NRK: variants seen among roughly 807,000 people sequenced by gnomAD.
NRK encodes the protein nik-related protein kinase.
In NRK, 67 loss-of-function variants were observed where a neutral mutation model predicts 125.2. The observed-to-expected ratio is 0.54, with a 90% confidence interval of 0.44 to 0.66. The LOEUF (loss-of-function observed/expected upper bound fraction) is 0.66, where lower values mean the gene tolerates loss of function less well. Ranked by LOEUF, NRK falls within the 30% of genes least tolerant of loss-of-function variation. NRK has a pLI of 0.00. For missense variants in NRK, 1,224 were observed against 1,192.9 expected, an observed-to-expected ratio of 1.03 and a Z score of -0.38; for synonymous variants, 458 against 429.0, an observed-to-expected ratio of 1.07 and a Z score of -0.84.
intron 23 of NRK, among the ~76,000 whole-genome samples, chrX:105,940,961 A>G (rs1422526240): frequency 1.8e-5 from 2 of 111,850 alleles, no homozygotes; most frequent in African/African-American, 6.5e-5. Flanking sequence ...CACATACACC[A>G]CTAAAGAGGG....
chrX:105,898,571 T>C lies in NRK; in HGVS notation c.581-13T>C. Reference sequence around the variant, plus strand: ...CCTGATTGATTATTTTGACATATAATGATTTTTGGCAGTTGATTTTGGAGT... The same window carrying C: ...CCTGATTGATTATTTTGACATATAACGATTTTTGGCAGTTGATTTTGGAGT... On this transcript the variant is annotated splice_polypyrimidine_tract_variant and intron_variant, in intron 7 of 28. Transcript: ENST00000243300. The C allele has an allele frequency of 3.4e-6, 4 of 1,190,844 alleles. No homozygotes were observed. Among genetic ancestry groups the C allele is most frequent in the Non-Finnish European group, 4.5e-6 (4 of 883,182 alleles).
At chrX:105,937,654 T>C in intron 22 of NRK, 72 bp downstream of exon 22, 7 of 785,169 alleles carry the variant, frequency 8.9e-6, no homozygotes, top group Non-Finnish European at 1.3e-5. Context: ...TTAAAGACTT[T>C]CTCAGGTTAA....
chrX:105,921,854 C>G, intron 16 of NRK, 110 bp from the exon 17 acceptor site: 1 of 361,915 alleles, frequency 2.8e-6, no homozygotes, highest in East Asian at 4.1e-5. Context: ...ATAAAAATGA[C>G]CAAGAAAAAA....
At chrX:105,850,121 C>T (rs1030815898) in intron 2 of NRK, among the ~76,000 whole-genome samples, 10 of 112,494 alleles carry the variant, frequency 8.9e-5, no homozygotes, top group Middle Eastern at 4.2e-3. Context: ...GAAATCTAGG[C>T]GGAGGTTCCC....
intron 2 of NRK, among the ~76,000 whole-genome samples, chrX:105,879,798 A>T (rs2039862882): frequency 9.0e-6 from 1 of 110,917 alleles, no homozygotes; most frequent in Non-Finnish European, 1.9e-5. Flanking sequence ...TAGTACAACA[A>T]CTCGTTTTCT....
intron 4 of NRK, among the ~76,000 whole-genome samples, chrX:105,882,246 G>A (rs1414298812): frequency 1.8e-5 from 2 of 108,771 alleles, no homozygotes; most frequent in East Asian, 5.9e-4. Context: ...AATGCCCCAC[G>A]TGCCCACCCC....
chrX:105,863,605 C>A (rs1436644850), intron 2 of NRK, among the ~76,000 whole-genome samples: 2 of 112,065 alleles, frequency 1.8e-5, no homozygotes, highest in Non-Finnish European at 3.8e-5. Flanking sequence ...GCAAACTTTC[C>A]TAGAAAGATT....
intron 9 of NRK, among the ~76,000 whole-genome samples, chrX:105,902,145 C>T (rs892434034): frequency 2.8e-5 from 3 of 108,657 alleles, no homozygotes; most frequent in East Asian, 2.9e-4. Flanking sequence ...TATTAAGTTA[C>T]GGGAAAAAGT....
At chrX:105,844,023 G>GTC (rs1307435472) in intron 2 of NRK, among the ~76,000 whole-genome samples, 7 of 92,636 alleles carry the variant, frequency 7.6e-5, no homozygotes, top group African/African-American at 3.1e-4. Context: ...GTGTGTCTGT[G>GTC]TGTGTGTGTG....
In NRK at chrX:105,822,915, C is replaced by T. The variant is rs371374458; in HGVS notation, c.57+13C>T. The T allele has an allele frequency of 7.6e-5, 87 of 1,147,304 alleles. No homozygotes were observed. The highest frequency in any genetic ancestry group is 8.8e-5 in the Non-Finnish European group (75 of 857,079). The allele number at this position is 1,147,304 out of a possible 1,213,427, so 94.6% of individuals were successfully genotyped here. A position where few individuals can be genotyped will look rare whatever the true frequency, so the allele number is the denominator to read the frequency against. ...GGGCCACCTGCCGGTGAGTAGAGGA[C>T]GCCCGTCGCCCCCCGAAATGCTCTC... is the stretch of plus-strand genomic sequence containing the variant. On this transcript the variant is annotated intron_variant, in intron 1 of 28. Coordinates refer to ENST00000243300, the MANE Select transcript of NRK (RefSeq NM_198465.4).
chrX:105,900,407 A>G (rs1286301836), intron 8 of NRK, among the ~76,000 whole-genome samples: 2 of 111,824 alleles, frequency 1.8e-5, no homozygotes, highest in Non-Finnish European at 1.9e-5. Context: ...TCCATTCCCT[A>G]TCAACCTGTT....
At chrX:105,839,044 TGGAAAGGAA>T (rs1483863579) in intron 2 of NRK, among the ~76,000 whole-genome samples, 4 of 111,073 alleles carry the variant, frequency 3.6e-5, no homozygotes, top group Admixed American at 9.6e-5. Context: ...GGAATGGGAA[TGGAAAGGAA>T]GGAAAGGAAT....
At chrX:105,874,834 G>A (rs2039793036) in intron 2 of NRK, among the ~76,000 whole-genome samples, 1 of 111,698 alleles carries the variant, frequency 9.0e-6, no homozygotes, top group East Asian at 2.8e-4. Flanking sequence ...GATTATCTAA[G>A]TTAATTAATT....
At chrX:105,879,276 C>T (rs1455475850) in intron 2 of NRK, among the ~76,000 whole-genome samples, 1 of 110,652 alleles carries the variant, frequency 9.0e-6, no homozygotes, top group African/African-American at 3.3e-5. Context: ...TCCAGGTGAA[C>T]CTCAATTTTC....
chrX:105,892,968 ATT>A (rs2040033792), intron 5 of NRK, among the ~76,000 whole-genome samples: 1 of 111,788 alleles, frequency 8.9e-6, no homozygotes, highest in Admixed American at 9.5e-5. Context: ...TTGATAAAGT[ATT>A]TTTGAAGTGG....
chrX:105,945,713 A>G (rs1414207998), intron 24 of NRK, among the ~76,000 whole-genome samples, 159 bp from the exon 25 acceptor site: 1 of 111,840 alleles, frequency 8.9e-6, no homozygotes, highest in Non-Finnish European at 1.9e-5. Flanking sequence ...TCACAACTAC[A>G]GTATGTTGAA....
At chrX:105,938,708 T>G (rs2040696635) in intron 22 of NRK, among the ~76,000 whole-genome samples, 1 of 112,109 alleles carries the variant, frequency 8.9e-6, no homozygotes, top group Non-Finnish European at 1.9e-5. Context: ...CTCAGTAGTT[T>G]AAAGCACAAA....
intron 4 of NRK, among the ~76,000 whole-genome samples, chrX:105,883,387 T>C (rs2147710646): frequency 8.9e-6 from 1 of 112,385 alleles, no homozygotes; most frequent in Admixed American, 9.4e-5. Flanking sequence ...CTCTAAATTA[T>C]CTTGAATCCT....
At chrX:105,873,990 A>G (rs1390222522) in intron 2 of NRK, among the ~76,000 whole-genome samples, 1 of 112,298 alleles carries the variant, frequency 8.9e-6, no homozygotes, top group Non-Finnish European at 1.9e-5. Flanking sequence ...TAAATCCTTG[A>G]TACAGTGATG....
Sources: gnomAD v4.1 joint callset for allele counts (sites outside exome capture counted in the v4.1 genomes callset) on GRCh38, gnomAD v4.1.1 for gene constraint, MANE v1.5 for transcripts, NCBI Gene and HGNC (gene_info 2026-07-23, HGNC 2026-07-21) for gene names.